KLF11: variants seen among roughly 807,000 people sequenced by gnomAD.
KLF11 encodes the protein KLF transcription factor 11.
In KLF11, 26 loss-of-function variants were observed where a neutral mutation model predicts 29.9. The ratio of observed to expected loss-of-function variants is 0.87; its 90% CI spans 0.64 to 1.21. The LOEUF (loss-of-function observed/expected upper bound fraction) is 1.21, where lower values mean the gene tolerates loss of function less well. KLF11 is among the 50% of genes most tolerant of loss of function. KLF11 has a pLI of 0.00. For synonymous variants in KLF11, 318 were observed against 257.4 expected (o/e 1.24, Z -2.25); for missense variants, 778 against 665.7 (o/e 1.17, Z -1.86).
At chr2:10,050,505 A>G (rs949894714) in intron 3 of KLF11, among the ~76,000 whole-genome samples, 4 of 150,366 alleles carry the variant, frequency 2.7e-5, no homozygotes, top group Non-Finnish European at 5.9e-5. Flanking sequence ...AGGTCAAGAA[A>G]TTGAGACCAT....
Position 10,052,469 on chromosome 2 carries a change from C to T in KLF11, c.1501C>T (p.Pro501Ser). The T allele has an allele frequency of 6.2e-7, 1 of 1,614,068 alleles. No homozygotes were observed. The highest frequency in any genetic ancestry group is 8.5e-7 in the Non-Finnish European group (1 of 1,180,006). The stretch of plus-strand genomic sequence containing the variant: ...GAACAGAATCGCCTCTGCAGAGAGC[C>T]CGGGGAGCCCACTGGTGAGCATGCC... ...KLNRIASAES[P>S]GSPLVSMPAS... The change falls in exon 4 of 4, where the codon CCG becomes TCG. Residue 501 changes from proline (P) to serine (S), a missense_variant. Physicochemically the swap from Pro to Ser is moderately conservative, Grantham distance 74 (BLOSUM62 -1). Transcript: ENST00000305883.
At chr2:10,045,014 T>C (rs1661145393) in intron 1 of KLF11, among the ~76,000 whole-genome samples, 3 of 151,968 alleles carry the variant, frequency 2.0e-5, no homozygotes, top group Non-Finnish European at 4.4e-5. Flanking sequence ...AGCATGGTGG[T>C]GGGCGCCTGT....
chr2:10,043,928 G>A, intron 1 of KLF11, 170 bp downstream of exon 1: 3 of 1,006,166 alleles, frequency 3.0e-6, no homozygotes, highest in East Asian at 9.0e-5. Context: ...CGGGGCGGCG[G>A]CCGCGACGGG....
chr2:10,053,724 A>C lies in KLF11; in HGVS notation c.*1217A>C, dbSNP rs1661478466. On this transcript the variant is annotated 3_prime_UTR_variant, in exon 4 of 4. Coordinates refer to ENST00000305883, the MANE Select transcript of KLF11 (RefSeq NM_003597.5). ...GGTGTGTTTTACAGTCTACCTAGAA[A>C]ATAGATGGACAATATTTTTCAACTG... The C allele has an allele frequency of 3.7e-6, 1 of 269,092 alleles. No homozygotes were observed. Among genetic ancestry groups the C allele is most frequent in the African/African-American group, 2.2e-5 (1 of 45,848 alleles). 16.7% of individuals were successfully genotyped at this position (269,092 alleles called of 1,614,324 possible).
intron 1 of KLF11, 58 bp downstream of exon 1, chr2:10,043,816 G>GA (rs1661072596): frequency 1.7e-5 from 22 of 1,323,792 alleles, no homozygotes; most frequent in Non-Finnish European, 2.1e-5. Flanking sequence ...CGAGGCGGGG[G>GA]AAGTGGTGCG....
At chr2:10,047,377 G>A (rs1661240101) in intron 2 of KLF11, among the ~76,000 whole-genome samples, 1 of 152,188 alleles carries the variant, frequency 6.6e-6, no homozygotes. Context: ...GTGGGTTGTC[G>A]GGAGGGTTGC....
At position 10,043,841 on chromosome 2, in the gene KLF11, G is replaced by C. The variant is rs1661074126; in HGVS notation, c.42+83G>C. The C allele has an allele frequency of 3.9e-6, 5 of 1,273,104 alleles. No homozygotes were observed. In the South Asian group the frequency reaches 7.2e-5, roughly 18 times the overall value. 78.9% of individuals were successfully genotyped at this position (1,273,104 alleles called of 1,614,324 possible). On this transcript the variant is annotated intron_variant, in intron 1 of 3. Transcript: ENST00000305883. ...GAAGTGGTGCGGCACTCGCGCGCCT[G>C]TAAATGCGGGAGGTGGGGCGTGCAG...
At position 10,046,182 on chromosome 2, in the gene KLF11, G is replaced by A. The variant is rs1661192819; in HGVS notation, c.75G>A (p.Leu25=). ...TCATGGACATATGTGAGTCCATCCT[G>A]GAGAGGAAGCGGCATGACAGCGAAA... ...VDIMDICESI[L]ERKRHDSERS... The change falls in exon 2 of 4, where the codon CTG becomes CTA. Residue 25 remains leucine (L), a synonymous_variant. Coordinates refer to ENST00000305883, the MANE Select transcript of KLF11 (RefSeq NM_003597.5). The A allele has an allele frequency of 1.4e-5, 22 of 1,614,140 alleles. No individual in the cohort carries two copies. The highest frequency in any genetic ancestry group is 1.8e-5 in the Non-Finnish European group (21 of 1,180,028).
At chr2:10,049,682 A>AT (rs1479211972) in intron 3 of KLF11, among the ~76,000 whole-genome samples, 20 of 151,986 alleles carry the variant, frequency 1.3e-4, no homozygotes, top group Non-Finnish European at 2.4e-4. Flanking sequence ...TAGTTATTAG[A>AT]TTGTTTCTTT....
Position 10,052,944 on chromosome 2 carries a change from C to T in KLF11, c.*437C>T. 2 of 334,486 alleles carry T rather than the reference C, an allele frequency of 6.0e-6. No homozygotes were observed. Among genetic ancestry groups the T allele is most frequent in the Non-Finnish European group, 1.1e-5 (2 of 186,902 alleles). 20.7% of individuals were successfully genotyped at this position (334,486 alleles called of 1,614,324 possible). A position where few individuals can be genotyped will look rare whatever the true frequency, so the allele number is the denominator to read the frequency against. ...AATTTCTAGCTAGATCATTTTGCAG[C>T]CTTCTTTTCAGTGTTTAATAACAAA... is the stretch of plus-strand genomic sequence containing the variant. On this transcript the variant is annotated 3_prime_UTR_variant, in exon 4 of 4. Coordinates refer to ENST00000305883, the MANE Select transcript of KLF11 (RefSeq NM_003597.5).
chr2:10,045,701 A>G (rs1048425088), intron 1 of KLF11, among the ~76,000 whole-genome samples: 2 of 152,342 alleles, frequency 1.3e-5, no homozygotes, highest in East Asian at 3.9e-4. Flanking sequence ...ATCTGTAGGG[A>G]CACTGCTTTG....
chr2:10,043,982 G>T (rs566619490), intron 1 of KLF11: 57 of 868,828 alleles, frequency 6.6e-5, no homozygotes, highest in Non-Finnish European at 7.8e-5. Flanking sequence ...TGTTCCCCGC[G>T]CAGCTTTGTC....
intron 1 of KLF11, among the ~76,000 whole-genome samples, chr2:10,044,803 G>C (rs1393525723): frequency 1.3e-5 from 2 of 151,908 alleles, no homozygotes; most frequent in African/African-American, 4.8e-5. Context: ...GTTTTCTTTT[G>C]GAAGAGATCA....
chr2:10,051,235 C>T (rs536580004), intron 3 of KLF11, among the ~76,000 whole-genome samples: 6 of 137,888 alleles, frequency 4.4e-5, no homozygotes, highest in South Asian at 4.6e-4. Context: ...CTTTTTTGGA[C>T]AGTCTCACTC....
rs529740048 is a variant in KLF11, at chr2:10,046,538, C to G, written c.312+119C>G. On this transcript the variant is annotated intron_variant, in intron 2 of 3. Coordinates refer to ENST00000305883, the MANE Select transcript of KLF11 (RefSeq NM_003597.5). ...TGCTGGCAAATAAGTTGCGTATCCT[C>G]TCTGTGTGGGTCTGAAGGAGTAGAA... The G allele has an allele frequency of 3.6e-6, 4 of 1,123,424 alleles. No homozygotes were observed. In the African/African-American group the frequency reaches 4.6e-5, roughly 13 times the overall value. 69.6% of individuals were successfully genotyped at this position (1,123,424 alleles called of 1,614,324 possible).
rs1220303265 is a variant in KLF11 at position 10,054,714 on chromosome 2, T to A, written c.*2207T>A. Reference sequence around the variant, plus strand: ...TGTGACTTTGAGCCTTTTAAGTAGTTTGAATGATAAGACTTAAAATGTTTC... The same window carrying A: ...TGTGACTTTGAGCCTTTTAAGTAGTATGAATGATAAGACTTAAAATGTTTC... On this transcript the variant is annotated 3_prime_UTR_variant, in exon 4 of 4. Coordinates refer to ENST00000305883, the MANE Select transcript of KLF11 (RefSeq NM_003597.5). 1 of 152,656 alleles carries A rather than the reference T, an allele frequency of 6.6e-6. No homozygotes were observed. Among genetic ancestry groups the A allele is most frequent in the Admixed American group, 6.5e-5 (1 of 15,286 alleles). The allele number at this position is 152,656 out of a possible 1,614,324, so 9.5% of individuals were successfully genotyped here.
chr2:10,044,914 G>C (rs1340296957), intron 1 of KLF11, among the ~76,000 whole-genome samples: 1 of 152,166 alleles, frequency 6.6e-6, no homozygotes, highest in African/African-American at 2.4e-5. Flanking sequence ...GGGAGACCGA[G>C]GTGGGCGGAT....
intron 1 of KLF11, among the ~76,000 whole-genome samples, chr2:10,044,939 C>G (rs182305391): frequency 2.3e-4 from 35 of 152,198 alleles, no homozygotes; most frequent in Admixed American, 7.2e-4. Context: ...TGAGGCCGGG[C>G]TTTCGAGACC....
rs549055891 is a variant in KLF11, at chr2:10,049,530, A to G, written c.1258+935A>G. Among the ~76,000 whole-genome samples, 3 of 152,356 alleles carry G rather than the reference A, an allele frequency of 2.0e-5. No homozygotes were observed. In the East Asian group the frequency reaches 5.8e-4, roughly 29 times the overall value. The stretch of plus-strand genomic sequence containing the variant: ...CTGCTTGCTTTGAGGATAAAGCCAA[A>G]CTTGGCCCATGAGGTACTCACCTCT... On this transcript the variant is annotated intron_variant, in intron 3 of 3. Coordinates refer to ENST00000305883, the MANE Select transcript of KLF11 (RefSeq NM_003597.5).
Sources: gnomAD v4.1 joint callset for allele counts (sites outside exome capture counted in the v4.1 genomes callset) on GRCh38, gnomAD v4.1.1 for gene constraint, MANE v1.5 for transcripts, NCBI Gene and HGNC (gene_info 2026-07-23, HGNC 2026-07-21) for gene names.